NCKAP5L: variants seen among roughly 807,000 people sequenced by gnomAD.
NCKAP5L encodes nck-associated protein 5-like.
In NCKAP5L, 54 loss-of-function variants were observed where a neutral mutation model predicts 103.2. That is an observed-to-expected ratio of 0.52 (90% CI 0.42 to 0.66). NCKAP5L has a LOEUF of 0.66. Among genes scored for constraint, NCKAP5L ranks in the 30% least tolerant of loss-of-function variants. NCKAP5L has a pLI of 0.00. For synonymous variants in NCKAP5L, 762 were observed against 748.6 expected (o/e 1.02, Z -0.29); for missense variants, 1,733 against 1,750.6 (o/e 0.99, Z 0.18).
In NCKAP5L at chr12:49,797,591, C is replaced by A. The variant is rs940294590; in HGVS notation, c.466-197G>T. On this transcript the variant is annotated intron_variant, in intron 7 of 12. Transcript: ENST00000335999. This position sits in a 1 kb window ranked among gnomAD's most constrained non-coding sequence, Gnocchi z 4.5. ...CAAGGGTTGCTCAACACTGGTTACCCCAGTTCTTCTTCCTGGCACACTTGG... is the reference window on the plus strand; with the variant it reads ...CAAGGGTTGCTCAACACTGGTTACCACAGTTCTTCTTCCTGGCACACTTGG... Among the ~76,000 whole-genome samples the A allele has an allele frequency of 6.6e-6, 1 of 152,170 alleles. No homozygotes were observed. Among genetic ancestry groups the A allele is most frequent in the Non-Finnish European group, 1.5e-5 (1 of 68,012 alleles).
rs1460055613 is a variant in NCKAP5L at position 49,791,970 on chromosome 12, G to A, written c.3874C>T (p.Arg1292Cys). Reference protein sequence around the residue: ...TPQGPPFGGSRTPSTSDMAEE... With the variant: ...TPQGPPFGGSCTPSTSDMAEE... ...GCCATGTCCGAAGTGCTGGGGGTGC[G>A]GCTACCCCCGAAAGGTGGGCCCTGG... The change falls in exon 13 of 13, where the codon CGC becomes TGC. Residue 1292 changes from arginine to cysteine, a missense_variant. Transcript: ENST00000335999. 6.2e-7 allele frequency: 1 copy of A among 1,609,826 alleles called. No individual in the cohort carries two copies. Among genetic ancestry groups the A allele is most frequent in the South Asian group, 1.1e-5 (1 of 90,648 alleles).
chr12:49,813,577 A>G (rs10875970), intron 1 of NCKAP5L, among the ~76,000 whole-genome samples: 56,722 of 151,906 alleles, frequency 0.37, 10,916 homozygotes, highest in South Asian at 0.46. Context: ...GCTCAGGCTG[A>G]AGTGCAGTGG....
rs1351973660 is a variant in NCKAP5L, at chr12:49,793,336, C to T, written c.3340+16G>A. 1 of 1,603,176 alleles carries T rather than the reference C, an allele frequency of 6.2e-7. No individual in the cohort carries two copies. Among genetic ancestry groups the T allele is most frequent in the Non-Finnish European group, 8.5e-7 (1 of 1,178,396 alleles). On this transcript the variant is annotated intron_variant, in intron 10 of 12. Transcript: ENST00000335999. ...GGGTGGGGGCAGGCCCATCCTCAGC[C>T]CCTGACCCTGCTGACCTGTGAAGTG...
rs756889644 is a variant in NCKAP5L, at chr12:49,795,924, T to C, written c.1936A>G (p.Ser646Gly). The C allele has an allele frequency of 7.2e-6, 11 of 1,527,164 alleles. No homozygotes were observed. The highest frequency in any genetic ancestry group is 2.3e-5 in the Admixed American group (1 of 43,024). 94.6% of individuals were successfully genotyped at this position (1,527,164 alleles called of 1,614,324 possible). Residue 646 changes from serine (S) to glycine (G), a missense_variant, in exon 8 of 13, where the codon AGC becomes GGC. Physicochemically the swap from Ser to Gly is moderately conservative, Grantham distance 56 (BLOSUM62 0). Transcript: ENST00000335999. ...RTPGNSSKKP[S>G]QGSGRRPGDP... ...CCAGGTCGCCGTCCTGACCCCTGGC[T>C]GGGCTTCTTGGATGAGTTGCCTGGG...
intron 9 of NCKAP5L, 99 bp from the exon 10 acceptor site, chr12:49,793,532 G>A: frequency 2.2e-6 from 3 of 1,360,504 alleles, no homozygotes; most frequent in East Asian, 4.7e-5. Context: ...ACATATGAGA[G>A]TATGAGGATT....
At chr12:49,822,296 T>C (rs182083291) in intron 1 of NCKAP5L, among the ~76,000 whole-genome samples, 3 of 152,234 alleles carry the variant, frequency 2.0e-5, no homozygotes, top group Non-Finnish European at 4.4e-5. Context: ...TATGTTGTTA[T>C]AGCAGTTCAA....
chr12:49,819,655 G>A (rs1165144099), intron 1 of NCKAP5L, among the ~76,000 whole-genome samples: 1 of 152,118 alleles, frequency 6.6e-6, no homozygotes, highest in African/African-American at 2.4e-5. Flanking sequence ...GAGCCCAGGA[G>A]TTCAAGACCG....
chr12:49,811,929 G>A (rs66721590), intron 1 of NCKAP5L, among the ~76,000 whole-genome samples: 56,512 of 151,852 alleles, frequency 0.37, 10,804 homozygotes, highest in South Asian at 0.46. Flanking sequence ...AACCTGGTCC[G>A]ACTTCAGTGG....
chr12:49,802,792 C>T (rs927036217), intron 5 of NCKAP5L, 166 bp downstream of exon 5: 4 of 719,974 alleles, frequency 5.6e-6, no homozygotes, highest in African/African-American at 1.8e-5. Flanking sequence ...CCTGGCCTTA[C>T]CTAGTCCCAC....
rs764598351 is a variant in NCKAP5L at position 49,796,050 on chromosome 12, G to C, written c.1810C>G (p.Pro604Ala). 7 of 1,570,382 alleles carry C rather than the reference G, an allele frequency of 4.5e-6. No individual in the cohort carries two copies. Among genetic ancestry groups the C allele is most frequent in the Non-Finnish European group, 6.0e-6 (7 of 1,161,730 alleles). ...GATTCTGGGAGGCAAGGACTGGGGG[G>C]TACTCCAGGGCTTCTGAGGACCTCA... ...APEVLRSPGV[P>A]PSPCLPESYP... The change falls in exon 8 of 13, where the codon CCC becomes GCC. Residue 604 changes from proline (P) to alanine (A), a missense_variant. By Grantham distance (27) the Pro-to-Ala change is conservative. Coordinates refer to ENST00000335999, the MANE Select transcript of NCKAP5L (RefSeq NM_001037806.4).
chr12:49,818,615 C>A (rs1055402973), intron 1 of NCKAP5L, among the ~76,000 whole-genome samples: 2 of 152,254 alleles, frequency 1.3e-5, no homozygotes, highest in African/African-American at 4.8e-5. Context: ...CCTGCCTCTC[C>A]CTCCCAAAGT....
In NCKAP5L at chr12:49,803,911, C is replaced by T; in HGVS notation, c.123+11G>A. The T allele has an allele frequency of 6.2e-7, 1 of 1,604,228 alleles. No homozygotes were observed. Among genetic ancestry groups the T allele is most frequent in the East Asian group, 2.2e-5 (1 of 44,862 alleles). On this transcript the variant is annotated intron_variant, in intron 3 of 12. Coordinates refer to ENST00000335999, the MANE Select transcript of NCKAP5L (RefSeq NM_001037806.4). ...CTGGCACTGCTGCCCCTACCACGCC[C>T]CATGCCGCACCTCCAGCTCCCGCAG...
intron 1 of NCKAP5L, among the ~76,000 whole-genome samples, chr12:49,810,468 T>C (rs926317951): frequency 9.9e-5 from 15 of 152,216 alleles, no homozygotes; most frequent in Non-Finnish European, 1.9e-4. Flanking sequence ...GTGGTTGTTG[T>C]TCTGCCACAG....
chr12:49,819,665 G>A (rs183291703), intron 1 of NCKAP5L, among the ~76,000 whole-genome samples: 7 of 152,066 alleles, frequency 4.6e-5, no homozygotes, highest in East Asian at 1.9e-4. Flanking sequence ...GTTCAAGACC[G>A]GCCTGGGCAA....
At chr12:49,811,024 G>T (rs1946234276) in intron 1 of NCKAP5L, among the ~76,000 whole-genome samples, 1 of 152,176 alleles carries the variant, frequency 6.6e-6, no homozygotes, top group Admixed American at 6.5e-5. Context: ...GCTACACCTG[G>T]CTGCCGAACA....
chr12:49,793,488 C>T (rs1160483975), intron 9 of NCKAP5L, 55 bp from the exon 10 acceptor site: 1 of 1,550,260 alleles, frequency 6.5e-7, no homozygotes, highest in African/African-American at 1.4e-5. Context: ...CACACCCCTC[C>T]CCATGCCTCT....
At chr12:49,818,796 CAAAT>C (rs1223272645) in intron 1 of NCKAP5L, among the ~76,000 whole-genome samples, 1 of 151,998 alleles carries the variant, frequency 6.6e-6, no homozygotes, top group Non-Finnish European at 1.5e-5. Context: ...ATAAAAAAGA[CAAAT>C]AAGTGTTGGC....
rs1276631409 is a variant in NCKAP5L, at chr12:49,796,315, C to T, written c.1545G>A (p.Gly515=). 2 of 1,544,014 alleles carry T rather than the reference C, an allele frequency of 1.3e-6. No homozygotes were observed. Among genetic ancestry groups the T allele is most frequent in the East Asian group, 2.3e-5 (1 of 44,124 alleles). The change falls in exon 8 of 13, where the codon GGG becomes GGA. Residue 515 remains glycine (G), a synonymous_variant. Coordinates refer to ENST00000335999, the MANE Select transcript of NCKAP5L (RefSeq NM_001037806.4). ...AAGGGCTGGTGGGCAGGCCTTGCGC[C>T]CCCTCTGGGGACAGCTCTCCTCCAC... is the stretch of plus-strand genomic sequence containing the variant. The part of the protein sequence containing the change: ...GLGGGELSPE[G]AQGLPTSPSP...
chr12:49,805,511 T>C (rs1166322552), intron 2 of NCKAP5L: 1 of 152,222 alleles, frequency 6.6e-6, no homozygotes, highest in Non-Finnish European at 1.5e-5. Context: ...TGGGCAACCC[T>C]TCCTATTATA....
Sources: allele counts gnomAD v4.1 joint callset (sites outside exome capture counted in the v4.1 genomes callset), GRCh38; gene constraint gnomAD v4.1.1; non-coding constraint Gnocchi (gnomAD v3.1); transcripts MANE v1.5; gene names NCBI Gene and HGNC (gene_info 2026-07-23, HGNC 2026-07-21).